Variants in NPAS3 observed in about 807,000 individuals in gnomAD.
NPAS3 encodes neuronal PAS domain-containing protein 3.
Under a neutral mutation model 73.1 loss-of-function variants are expected in NPAS3, and 14 were observed. That is an observed-to-expected ratio of 0.19 (90% CI 0.13 to 0.30). NPAS3 has a LOEUF of 0.30. NPAS3 is among the 10% of genes least tolerant of loss of function. The probability of loss-of-function intolerance (pLI) is 1.00; values close to 1 mark genes in which losing one functional copy is unlikely to be tolerated. For synonymous variants in NPAS3, 620 were observed against 541.5 expected (o/e 1.14, Z -2.01); for missense variants, 1,096 against 1,250.0 (o/e 0.88, Z 1.86).
chr14:33,231,224 G>A (rs2047839263), intron 3 of NPAS3, among the ~76,000 whole-genome samples: 1 of 152,082 alleles, frequency 6.6e-6, no homozygotes, highest in Non-Finnish European at 1.5e-5. Context: ...ATATATCAGA[G>A]AAATTCTCTT....
At chr14:33,246,714 C>T (rs1191852499) in intron 3 of NPAS3, among the ~76,000 whole-genome samples, 2 of 151,100 alleles carry the variant, frequency 1.3e-5, no homozygotes, top group African/African-American at 2.4e-5. Context: ...GTAGGCAGGC[C>T]GGGCATGGTG....
chr14:32,935,554 A>T (rs990467633), upstream of NPAS3, among the ~76,000 whole-genome samples: 2 of 152,238 alleles, frequency 1.3e-5, no homozygotes, highest in African/African-American at 4.8e-5. Context: ...GGCGCTGTTA[A>T]GTATTCATCT....
At chr14:33,692,025 AG>A (rs2060249905) in intron 6 of NPAS3, among the ~76,000 whole-genome samples, 1 of 152,206 alleles carries the variant, frequency 6.6e-6, no homozygotes, top group Non-Finnish European at 1.5e-5. Context: ...TTTGTGAGAT[AG>A]TGAGCCCGGA....
chr14:33,417,926 T>G (rs1431311584), intron 4 of NPAS3, among the ~76,000 whole-genome samples: 1 of 152,034 alleles, frequency 6.6e-6, no homozygotes, highest in African/African-American at 2.4e-5. Context: ...TTCCACAGAA[T>G]AGTTTTCTTT....
At chr14:32,947,094 T>C (rs777596770) in intron 1 of NPAS3, among the ~76,000 whole-genome samples, 5 of 152,212 alleles carry the variant, frequency 3.3e-5, no homozygotes, top group Non-Finnish European at 5.9e-5. Flanking sequence ...TATTTCATTA[T>C]ATCTGATGAA....
chr14:33,116,201 A>G (rs910760342), intron 2 of NPAS3, among the ~76,000 whole-genome samples: 1 of 152,102 alleles, frequency 6.6e-6, no homozygotes, highest in Non-Finnish European at 1.5e-5. Context: ...ATATCTCCAT[A>G]TTTTACTGAA....
rs77321462 is a variant in NPAS3 at position 33,694,285 on chromosome 14, T to A, written c.733+17900T>A. On this transcript the variant is annotated intron_variant, in intron 6 of 11. Transcript: ENST00000356141. ...TTATCTAAGAAATGATATGTGTTAGTCTTTCCATTTACTCAGAAAGTGAAT... is the reference window on the plus strand; with the variant it reads ...TTATCTAAGAAATGATATGTGTTAGACTTTCCATTTACTCAGAAAGTGAAT... Among the ~76,000 whole-genome samples the A allele has an allele frequency of 1.4e-4, 22 of 152,314 alleles. No individual in the cohort carries two copies. The East Asian group carries it at 4.0e-3, about 28-fold the overall frequency.
chr14:33,550,644 A>G (rs2055068110), intron 4 of NPAS3, among the ~76,000 whole-genome samples: 1 of 152,202 alleles, frequency 6.6e-6, no homozygotes, highest in Admixed American at 6.5e-5. Context: ...GAAATGAAAG[A>G]AGGTTAGCAA....
intron 3 of NPAS3, among the ~76,000 whole-genome samples, chr14:33,348,736 C>T (rs1178950908): frequency 7.0e-6 from 1 of 142,800 alleles, no homozygotes; most frequent in East Asian, 2.0e-4. Context: ...CTGGAGCTCC[C>T]GTTCACATCT....
intron 4 of NPAS3, among the ~76,000 whole-genome samples, chr14:33,497,262 G>C (rs2052249134): frequency 6.6e-6 from 1 of 152,102 alleles, no homozygotes; most frequent in Non-Finnish European, 1.5e-5. Flanking sequence ...TCATGAAAAT[G>C]GCCATACTGC....
chr14:33,103,513 T>G (rs1382972393), intron 2 of NPAS3, among the ~76,000 whole-genome samples: 3 of 152,206 alleles, frequency 2.0e-5, no homozygotes, highest in Non-Finnish European at 2.9e-5. Context: ...TAAGTACCAT[T>G]TATAGCGATG....
intron 2 of NPAS3, among the ~76,000 whole-genome samples, chr14:33,186,596 G>A (rs752760717): frequency 3.9e-5 from 6 of 152,086 alleles, no homozygotes; most frequent in Non-Finnish European, 7.4e-5. Context: ...TTTCCCTCGA[G>A]TCTGATCTAC....
rs199660613 is a variant in NPAS3, at chr14:32,964,823, A to AC, written c.50+25457_50+25458insC. On this transcript the variant is annotated intron_variant, in intron 1 of 11. Transcript: ENST00000356141. ...GACCCCTGTCTCTACAAAAAAAAAAAAGAAGAAGATTAGCTCGGTGTGGTG... is the reference window on the plus strand; with the variant it reads ...GACCCCTGTCTCTACAAAAAAAAAAACAGAAGAAGATTAGCTCGGTGTGGTG... Among the ~76,000 whole-genome samples, 47 of 148,940 alleles carry AC rather than the reference A, an allele frequency of 3.2e-4. 1 individual carries two copies. The East Asian group carries it at 9.7e-3, about 31-fold the overall frequency.
At chr14:33,177,071 T>TTATTATTATTATTATTA (rs2045614827) in intron 2 of NPAS3, among the ~76,000 whole-genome samples, 3 of 138,336 alleles carry the variant, frequency 2.2e-5, no homozygotes, top group Admixed American at 7.3e-5. Flanking sequence ...TGTTTATCTT[T>TTATTATTATTATTATTA]TTATTATTAT....
At chr14:33,268,097 G>A (rs2040896800) in intron 3 of NPAS3, among the ~76,000 whole-genome samples, 1 of 152,150 alleles carries the variant, frequency 6.6e-6, no homozygotes, top group East Asian at 1.9e-4. Context: ...CCAAAGAGGT[G>A]TAGGTCTTAT....
chr14:33,776,728 T>C (rs774231817), intron 8 of NPAS3, among the ~76,000 whole-genome samples: 13 of 152,084 alleles, frequency 8.5e-5, no homozygotes, highest in Non-Finnish European at 1.6e-4. Flanking sequence ...TTCCATTCAT[T>C]CATCCCCTCA....
rs576207265 is a variant in NPAS3, at chr14:33,418,475, C to CTGTT, written c.468+51209_468+51212dup. On this transcript the variant is annotated intron_variant, in intron 4 of 11. Coordinates refer to ENST00000356141, the Ensembl canonical transcript of NPAS3. The stretch of plus-strand genomic sequence containing the variant: ...CTCCTAAGGCACTGAAAATAAACTG[C>CTGTT]TGTTTATTTTTTCAGGGACAGTCAA... Among the ~76,000 whole-genome samples, 100 of 151,992 alleles carry CTGTT rather than the reference C, an allele frequency of 6.6e-4. 1 individual carries two copies. The East Asian group carries it at 0.016, about 24-fold the overall frequency.
At chr14:33,646,922 G>A (rs1300284768) in intron 5 of NPAS3, among the ~76,000 whole-genome samples, 1 of 152,166 alleles carries the variant, frequency 6.6e-6, no homozygotes, top group Non-Finnish European at 1.5e-5. Context: ...GACTCAGGCA[G>A]CAAAGATTAT....
chr14:33,630,908 A>G (rs562352757), intron 5 of NPAS3, among the ~76,000 whole-genome samples: 13 of 152,368 alleles, frequency 8.5e-5, no homozygotes, highest in African/African-American at 3.1e-4. Context: ...AAATTAGTAA[A>G]TTCAATATTT....
Sources: allele counts gnomAD v4.1 joint callset (sites outside exome capture counted in the v4.1 genomes callset), GRCh38; gene constraint gnomAD v4.1.1; transcripts MANE v1.5; gene names NCBI Gene and HGNC (gene_info 2026-07-23, HGNC 2026-07-21).